NBPF26: variants seen among roughly 807,000 people sequenced by gnomAD.
NBPF26 encodes the protein NBPF member 26, also known as NBPF family member NBPF26.
A neutral mutation model predicts 119.6 loss-of-function variants in NBPF26; 79 were observed. That is an observed-to-expected ratio of 0.66 (90% CI 0.55 to 0.80). The LOEUF (loss-of-function observed/expected upper bound fraction) is 0.80, where lower values mean the gene tolerates loss of function less well. Ranked by LOEUF, NBPF26 falls within the 30% of genes least tolerant of loss-of-function variation. The probability of loss-of-function intolerance (pLI) is 0.00; values close to 1 mark genes in which losing one functional copy is unlikely to be tolerated. For missense variants in NBPF26, 800 were observed against 1,198.2 expected (o/e 0.67, Z 4.91); for synonymous variants, 299 against 457.7 (o/e 0.65, Z 4.43).
chr1:120,790,299 C>T (rs1436945778), intron 3 of NBPF26, among the ~76,000 whole-genome samples: 1 of 111,696 alleles, frequency 9.0e-6, no homozygotes, highest in Admixed American at 8.5e-5. Context: ...CAGGTGTGAG[C>T]CACCACACCG....
intron 4 of NBPF26, among the ~76,000 whole-genome samples, chr1:120,802,501 C>T (rs1164235623): frequency 8.0e-6 from 1 of 125,106 alleles, no homozygotes; most frequent in African/African-American, 3.9e-5. Context: ...GACATGAGCC[C>T]TTCGGGACAC....
exon 8 of NBPF26, chr1:120,809,822 G>A: frequency 1.3e-6 from 2 of 1,519,514 alleles, no homozygotes; most frequent in Admixed American, 3.5e-5. Flanking sequence ...AAATGACGAA[G>A]ATGAGGATGA....
In NBPF26 at chr1:120,840,400, C is replaced by A. The variant is rs1553273444; in HGVS notation, c.4154C>A (p.Ser1385Ter). The change falls in exon 30 of 30, where the codon TCA (serine) becomes TAA (stop). Residue 1385 changes from serine (S) to a stop codon, truncating the protein, a stop_gained. Coordinates refer to ENST00000620612, the Ensembl canonical transcript of NBPF26. LOFTEE classifies it low-confidence loss of function (END_TRUNC). ...GAAGAGCCTGAAGTCTTGCAGGACT[C>A]ACTGGATATATGTTATTCGACTCCG... 3.1e-5 allele frequency: 45 copies of A among 1,464,430 alleles called. 8 individuals are homozygous for A. The Admixed American group carries it at 8.2e-4, about 27-fold the overall frequency. The allele number at this position is 1,464,430 out of a possible 1,614,324, so 90.7% of individuals were successfully genotyped here. A position where few individuals can be genotyped will look rare whatever the true frequency, so the allele number is the denominator to read the frequency against.
intron 3 of NBPF26, among the ~76,000 whole-genome samples, chr1:120,791,334 A>T (rs1651491469): frequency 1.0e-5 from 1 of 96,902 alleles, no homozygotes; most frequent in Non-Finnish European, 1.9e-5. Context: ...GCTGCTATAA[A>T]GACACATGCA....
intron 9 of NBPF26, among the ~76,000 whole-genome samples, chr1:120,811,679 A>C (rs1251765593): frequency 1.1e-4 from 12 of 113,840 alleles, no homozygotes; most frequent in Non-Finnish European, 1.9e-4. Context: ...AAAAGTGTAG[A>C]AGTGTTTATG....
In NBPF26 at chr1:120,728,456, GTTTC is replaced by G. The variant is rs1412002376; in HGVS notation, c.73+4218_73+4221del. Among the ~76,000 whole-genome samples the G allele has an allele frequency of 6.2e-5, 7 of 113,390 alleles. 2 individuals carry two copies. Among genetic ancestry groups the G allele is most frequent in the Admixed American group, 1.7e-4 (2 of 11,752 alleles). 74.4% of individuals were successfully genotyped at this position (113,390 alleles called of 152,430 possible). On this transcript the variant is annotated intron_variant, in intron 1 of 29. Coordinates refer to ENST00000620612, the Ensembl canonical transcript of NBPF26. ...AATTTTGAATTTCTTTGTGTGTGGG[GTTTC>G]TTTCTTTCTTTTTCTGATCACTTCT... is the stretch of plus-strand genomic sequence containing the variant.
intron 29 of NBPF26, 128 bp from the exon 36 acceptor site, chr1:120,840,222 T>C: frequency 7.5e-7 from 1 of 1,340,450 alleles, no homozygotes; most frequent in Non-Finnish European, 9.8e-7. Flanking sequence ...AAATTTTTTT[T>C]TTACCTCATT....
Position 120,759,926 on chromosome 1 carries a change from A to G in NBPF26, c.74-3702A>G, listed in dbSNP as rs1169589925. Among the ~76,000 whole-genome samples the G allele has an allele frequency of 2.0e-5, 2 of 102,064 alleles. 1 individual carries two copies. Among genetic ancestry groups the G allele is most frequent in the Non-Finnish European group, 3.6e-5 (2 of 56,128 alleles). 67.0% of individuals were successfully genotyped at this position (102,064 alleles called of 152,430 possible). A position where few individuals can be genotyped will look rare whatever the true frequency, so the allele number is the denominator to read the frequency against. On this transcript the variant is annotated intron_variant, in intron 1 of 29. Coordinates refer to ENST00000620612, the Ensembl canonical transcript of NBPF26. ...ATATATCTCAAACATATACAAAAAA[A>G]TTCTTCTTGTGTAACTGTAGCTTTT...
chr1:120,767,944 A>G (rs1203882167), intron 2 of NBPF26, among the ~76,000 whole-genome samples: 3 of 117,888 alleles, frequency 2.5e-5, no homozygotes, highest in Non-Finnish European at 4.9e-5. Context: ...ATGTGTTTCT[A>G]TTTCTATCAA....
chr1:120,724,280 C>T lies in NBPF26; in HGVS notation c.73+30C>T. On this transcript the variant is annotated intron_variant, in intron 1 of 29. Coordinates refer to ENST00000620612, the Ensembl canonical transcript of NBPF26. ...GTATCGGGCTGAGGGGCGCTGTCCG[C>T]GGCGCCCGGGGCTGCCACCTGGGGC... The T allele has an allele frequency of 5.8e-6, 8 of 1,377,896 alleles. 2 individuals are homozygous for T. Among genetic ancestry groups the T allele is most frequent in the South Asian group, 2.6e-5 (2 of 77,016 alleles). The allele number at this position is 1,377,896 out of a possible 1,614,324, so 85.4% of individuals were successfully genotyped here.
At position 120,745,134 on chromosome 1, in the gene NBPF26, CA is replaced by C. The variant is rs1287143211; in HGVS notation, c.74-18484del. ...GATCCTGTCTCCAAAAAAAAAAAAA[CA>C]AAAAAAAAACAAAAAAAAGTGGTAT... On this transcript the variant is annotated intron_variant, in intron 1 of 29. Coordinates refer to ENST00000620612, the Ensembl canonical transcript of NBPF26. Among the ~76,000 whole-genome samples, 47 of 82,300 alleles carry C rather than the reference CA, an allele frequency of 5.7e-4. 5 individuals are homozygous for C. Among genetic ancestry groups the C allele is most frequent in the Middle Eastern group, 4.8e-3 (1 of 208 alleles). The allele number at this position is 82,300 out of a possible 152,430, so 54.0% of individuals were successfully genotyped here. A position where few individuals can be genotyped will look rare whatever the true frequency, so the allele number is the denominator to read the frequency against.
intron 10 of NBPF26, 96 bp downstream of exon 10, chr1:120,812,191 C>G: frequency 1.1e-6 from 1 of 882,838 alleles, no homozygotes; most frequent in South Asian, 1.4e-5. Context: ...ATAATGTCAT[C>G]CTCCCCGTAC....
At chr1:120,812,157 C>T (rs1651884734) in intron 10 of NBPF26, 62 bp downstream of exon 10, 3 of 966,922 alleles carry the variant, frequency 3.1e-6, no homozygotes, top group Non-Finnish European at 3.1e-6. Context: ...CTCTCTGAGA[C>T]ACTAAATGCT....
At chr1:120,806,229 C>T (rs1294395834) in intron 5 of NBPF26, among the ~76,000 whole-genome samples, 3 of 124,046 alleles carry the variant, frequency 2.4e-5, no homozygotes, top group Non-Finnish European at 4.9e-5. Flanking sequence ...TACCCAGTAC[C>T]TGTTCTGAGG....
chr1:120,813,588 T>C (rs1160563181), intron 10 of NBPF26, among the ~76,000 whole-genome samples: 2 of 127,870 alleles, frequency 1.6e-5, no homozygotes, highest in African/African-American at 3.6e-5. Context: ...CTTGGGAAAG[T>C]GGCCCCGCAT....
chr1:120,805,728 A>G, exon 5 of NBPF26: 1 of 1,449,804 alleles, frequency 6.9e-7, no homozygotes, highest in Non-Finnish European at 9.3e-7. Context: ...TTCTAACTCA[A>G]CTGGCCGGCT....
intron 3 of NBPF26, among the ~76,000 whole-genome samples, chr1:120,789,520 T>C: frequency 9.0e-6 from 1 of 111,448 alleles, no homozygotes; most frequent in Non-Finnish European, 1.7e-5. Flanking sequence ...GAGGAACCCA[T>C]CAGATCTCAT....
At chr1:120,805,140 G>A (rs1373215032) in intron 4 of NBPF26, among the ~76,000 whole-genome samples, 3 of 125,016 alleles carry the variant, frequency 2.4e-5, no homozygotes, top group African/African-American at 7.8e-5. Flanking sequence ...AAGGGTACAC[G>A]AATACTGAGA....
chr1:120,810,247 C>G (rs1303119808), intron 8 of NBPF26, 100 bp from the exon 9 acceptor site: 1 of 1,393,288 alleles, frequency 7.2e-7, no homozygotes, highest in Non-Finnish European at 9.8e-7. Context: ...TTTCTGGAAC[C>G]ACTCTCTTAA....
Sources: allele counts gnomAD v4.1 joint callset (sites outside exome capture counted in the v4.1 genomes callset), GRCh38; gene constraint gnomAD v4.1.1; transcripts MANE v1.5; gene names NCBI Gene and HGNC (gene_info 2026-07-23, HGNC 2026-07-21).